The following FAM204A variants were observed in gnomAD, a reference collection of about 807,000 sequenced individuals.
FAM204A encodes protein FAM204A.
Under a neutral mutation model 35.4 loss-of-function variants are expected in FAM204A, and 16 were observed. That is an observed-to-expected ratio of 0.45 (90% confidence interval 0.31 to 0.69). The LOEUF is 0.69. Ranked by LOEUF, FAM204A falls within the 30% of genes least tolerant of loss-of-function variation. FAM204A has a pLI of 0.07. For missense variants in FAM204A, 240 were observed against 265.7 expected (o/e 0.90, Z 0.67); for synonymous variants, 76 against 86.9 (o/e 0.88, Z 0.70).
chr10:118,314,395 A>G (rs994611678), intron 7 of FAM204A, among the ~76,000 whole-genome samples: 1 of 152,200 alleles, frequency 6.6e-6, no homozygotes, highest in African/African-American at 2.4e-5. Flanking sequence ...TGTCCTTCGT[A>G]TAATTAAAAT....
chr10:118,335,443 A>G lies in FAM204A; in HGVS notation c.323-17T>C, dbSNP rs781456400. On this transcript the variant is annotated splice_polypyrimidine_tract_variant and intron_variant, in intron 4 of 8. Coordinates refer to ENST00000369183, the MANE Select transcript of FAM204A (RefSeq NM_022063.3). ...TCAATTTATCTGAAAAGAATTCACA[A>G]AGTGTCAATACCTAACTTCAGTAAT... 1.3e-6 allele frequency: 2 copies of G among 1,598,086 alleles called. No homozygotes were observed. Among genetic ancestry groups the G allele is most frequent in the Non-Finnish European group, 1.7e-6 (2 of 1,173,392 alleles).
At position 118,336,162 on chromosome 10, in the gene FAM204A, G is replaced by A; in HGVS notation, c.234+20C>T. ...TGCACACACACAGGCTGTAGCAAGA[G>A]CATTTCAGAGAAAACCTACATTCCA... On this transcript the variant is annotated intron_variant, in intron 3 of 8. Coordinates refer to ENST00000369183, the MANE Select transcript of FAM204A (RefSeq NM_022063.3). The A allele has an allele frequency of 6.2e-7, 1 of 1,607,570 alleles. No individual in the cohort carries two copies. The highest frequency in any genetic ancestry group is 1.3e-5 in the African/African-American group (1 of 74,872).
chr10:118,324,212 T>C (rs1478454991), intron 7 of FAM204A, among the ~76,000 whole-genome samples: 1 of 152,042 alleles, frequency 6.6e-6, no homozygotes, highest in Non-Finnish European at 1.5e-5. Flanking sequence ...ATAGTCAAAC[T>C]GCAAGCACAA....
At chr10:118,323,986 C>G (rs924527956) in intron 7 of FAM204A, among the ~76,000 whole-genome samples, 2 of 151,968 alleles carry the variant, frequency 1.3e-5, no homozygotes, top group African/African-American at 4.8e-5. Flanking sequence ...AGAAGAACTC[C>G]TAGTTTATTC....
At chr10:118,312,142 T>C (rs923944674) in intron 7 of FAM204A, among the ~76,000 whole-genome samples, 2 of 152,246 alleles carry the variant, frequency 1.3e-5, no homozygotes, top group Non-Finnish European at 2.9e-5. Flanking sequence ...TGTGATGGTA[T>C]CTTCTACTTT....
intron 7 of FAM204A, 80 bp downstream of exon 7, chr10:118,326,074 T>A (rs1846193234): frequency 9.3e-7 from 1 of 1,074,282 alleles, no homozygotes; most frequent in Non-Finnish European, 1.4e-6. Flanking sequence ...AATACTGAAC[T>A]TATTAATGAT....
rs1361769668 is a variant in FAM204A at position 118,310,910 on chromosome 10, TA to T, written c.651-3del. On this transcript the variant is annotated splice_polypyrimidine_tract_variant and splice_region_variant and intron_variant, in intron 8 of 8. Coordinates refer to ENST00000369183, the MANE Select transcript of FAM204A (RefSeq NM_022063.3). ...TCCCATCTCTTCTTTGCTTCAAACC[TA>T]AAAGGAAGAACATACAAATCTCAAT... 6.3e-7 allele frequency: 1 copy of T among 1,590,316 alleles called. No individual in the cohort carries two copies. Among genetic ancestry groups the T allele is most frequent in the African/African-American group, 1.4e-5 (1 of 73,930 alleles).
At chr10:118,321,801 C>T (rs546800983) in intron 7 of FAM204A, among the ~76,000 whole-genome samples, 17 of 148,216 alleles carry the variant, frequency 1.1e-4, no homozygotes, top group African/African-American at 4.2e-4. Flanking sequence ...GGCGCTAGTT[C>T]TGTATGTTTT....
At chr10:118,340,704 G>C (rs552471830) in intron 2 of FAM204A, among the ~76,000 whole-genome samples, 36 of 152,268 alleles carry the variant, frequency 2.4e-4, no homozygotes, top group Admixed American at 4.6e-4. Context: ...GAACCAGAAA[G>C]GGGAAACAAA....
chr10:118,326,439 T>C (rs1468815490), intron 6 of FAM204A, 196 bp from the exon 7 acceptor site: 4 of 538,470 alleles, frequency 7.4e-6, no homozygotes, highest in African/African-American at 2.0e-5. Context: ...TGAGGTCATG[T>C]AACTTCTTGA....
At position 118,298,149 on chromosome 10, in the gene FAM204A, G is replaced by A. The variant is rs1224618307; in HGVS notation, c.*12708C>T. ...TGTGTGTGGGAGTGAGAGAGCTAAC[G>A]TTACGTGTGGCTTTAAATTTTTGAG... On this transcript the variant is annotated 3_prime_UTR_variant, in exon 9 of 9. Coordinates refer to ENST00000369183, the MANE Select transcript of FAM204A (RefSeq NM_022063.3). The A allele has an allele frequency of 6.6e-6, 1 of 152,156 alleles. No individual in the cohort carries two copies. Among genetic ancestry groups the A allele is most frequent in the Admixed American group, 6.5e-5 (1 of 15,278 alleles). 9.4% of individuals were successfully genotyped at this position (152,156 alleles called of 1,614,324 possible).
rs1183074676 is a variant in FAM204A at position 118,309,889 on chromosome 10, T to C, written c.*968A>G. 1 of 152,206 alleles carries C rather than the reference T, an allele frequency of 6.6e-6. No individual in the cohort carries two copies. Among genetic ancestry groups the C allele is most frequent in the African/African-American group, 2.4e-5 (1 of 41,452 alleles). The allele number at this position is 152,206 out of a possible 1,614,324, so 9.4% of individuals were successfully genotyped here. A position where few individuals can be genotyped will look rare whatever the true frequency, so the allele number is the denominator to read the frequency against. On this transcript the variant is annotated 3_prime_UTR_variant, in exon 9 of 9. Coordinates refer to ENST00000369183, the MANE Select transcript of FAM204A (RefSeq NM_022063.3). ...ATACTTAGGAAGACATTTTTAGGCG[T>C]TGCTGAATTTAAATCATCTTCCAAA...
chr10:118,320,444 A>T (rs1434451897), intron 7 of FAM204A, among the ~76,000 whole-genome samples: 1 of 151,996 alleles, frequency 6.6e-6, no homozygotes, highest in Non-Finnish European at 1.5e-5. Flanking sequence ...AGAAAGTACC[A>T]AAGCGTGGCA....
At chr10:118,328,986 G>T (rs1359301182) in intron 6 of FAM204A, among the ~76,000 whole-genome samples, 1 of 148,930 alleles carries the variant, frequency 6.7e-6, no homozygotes, top group Non-Finnish European at 1.5e-5. Flanking sequence ...CTTCTCCCCT[G>T]TACCAATACC....
chr10:118,336,566 G>C (rs1487221640), intron 2 of FAM204A, 143 bp from the exon 3 acceptor site: 6 of 632,290 alleles, frequency 9.5e-6, no homozygotes, highest in Non-Finnish European at 1.5e-5. Flanking sequence ...AATCTAAAAT[G>C]GCATAGAATG....
intron 6 of FAM204A, among the ~76,000 whole-genome samples, chr10:118,327,846 A>G (rs1315079297): frequency 6.6e-6 from 1 of 152,222 alleles, no homozygotes; most frequent in African/African-American, 2.4e-5. Context: ...CTTTAGTCCC[A>G]GAGCTACTAG....
rs746943306 is a variant in FAM204A, at chr10:118,341,804, G to A, written c.-86C>T. The A allele has an allele frequency of 6.6e-6, 1 of 152,260 alleles. No individual in the cohort carries two copies. The highest frequency in any genetic ancestry group is 1.5e-5 in the Non-Finnish European group (1 of 68,172). The allele number at this position is 152,260 out of a possible 1,614,324, so 9.4% of individuals were successfully genotyped here. A position where few individuals can be genotyped will look rare whatever the true frequency, so the allele number is the denominator to read the frequency against. On this transcript the variant is annotated 5_prime_UTR_variant, in exon 2 of 9. Transcript: ENST00000369183. Reference sequence around the variant, plus strand: ...GGCTGCACAACCCGGAATTCTGCAGGCTTTCTGGCGGCAATGCCACACTCC... The same window carrying A: ...GGCTGCACAACCCGGAATTCTGCAGACTTTCTGGCGGCAATGCCACACTCC...
intron 6 of FAM204A, among the ~76,000 whole-genome samples, chr10:118,333,992 C>T (rs1468792024): frequency 1.3e-5 from 2 of 152,176 alleles, no homozygotes; most frequent in Admixed American, 1.3e-4. Context: ...ATACAATATA[C>T]TTGGGCTTCA....
At chr10:118,328,079 A>C (rs975608702) in intron 6 of FAM204A, among the ~76,000 whole-genome samples, 2 of 152,190 alleles carry the variant, frequency 1.3e-5, no homozygotes, top group Non-Finnish European at 2.9e-5. Context: ...CACACTCCTT[A>C]TCTCTTTGTA....
Sources: allele counts gnomAD v4.1 joint callset (sites outside exome capture counted in the v4.1 genomes callset), GRCh38; gene constraint gnomAD v4.1.1; transcripts MANE v1.5; gene names NCBI Gene and HGNC (gene_info 2026-07-23, HGNC 2026-07-21).